HIVEP1: variants seen among roughly 807,000 people sequenced by gnomAD.
The protein encoded by HIVEP1 is zinc finger protein 40.
Under a neutral mutation model 180.0 loss-of-function variants are expected in HIVEP1, and 36 were observed. The observed-to-expected ratio is 0.20, with a 90% CI of 0.15 to 0.26. The LOEUF (loss-of-function observed/expected upper bound fraction) is 0.26, where lower values mean the gene tolerates loss of function less well. HIVEP1 is among the 10% of genes least tolerant of loss of function. The pLI is 1.00. For synonymous variants in HIVEP1, 1,239 were observed against 1,239.0 expected, an observed-to-expected ratio of 1.00 and a Z score of 0.00; for missense variants, 3,143 against 3,268.7, an observed-to-expected ratio of 0.96 and a Z score of 0.94.
chr6:12,204,425 G>A, the HIVEP1 span, among the ~76,000 whole-genome samples: 7 of 120,286 alleles, frequency 5.8e-5, no homozygotes, highest in Admixed American at 1.7e-4. Context: ...CCTCATCTAC[G>A]GAGTGCTTCT....
At chr6:12,131,869 T>C (rs1758440644) in intron 6 of HIVEP1, among the ~76,000 whole-genome samples, 1 of 151,926 alleles carries the variant, frequency 6.6e-6, no homozygotes, top group South Asian at 2.1e-4. Flanking sequence ...TTTTTTCTTA[T>C]GCTGGTTGTC....
At chr6:12,103,537 G>A (rs1030795463) in intron 3 of HIVEP1, among the ~76,000 whole-genome samples, 2 of 151,902 alleles carry the variant, frequency 1.3e-5, no homozygotes, top group Admixed American at 6.6e-5. Flanking sequence ...CTGCATGAAT[G>A]GCTGTGCCAC....
At chr6:12,138,838 T>C (rs917565848) in intron 7 of HIVEP1, among the ~76,000 whole-genome samples, 2 of 151,802 alleles carry the variant, frequency 1.3e-5, no homozygotes, top group Non-Finnish European at 2.9e-5. Context: ...CCCATAGTCT[T>C]CCGCCATCCT....
At chr6:12,016,776 C>T (rs890260903) in intron 2 of HIVEP1, among the ~76,000 whole-genome samples, 2 of 152,126 alleles carry the variant, frequency 1.3e-5, no homozygotes, top group Non-Finnish European at 2.9e-5. Flanking sequence ...ATATAGAAAA[C>T]GTTGAAAATT....
chr6:12,036,987 G>A lies in HIVEP1; in HGVS notation c.40+21319G>A, dbSNP rs76977125. 0.012 allele frequency among the ~76,000 whole-genome samples: 1,783 copies of A among 152,298 alleles called. 63 individuals carry two copies. The East Asian group carries it at 0.15, about 13-fold the overall frequency. On this transcript the variant is annotated intron_variant, in intron 2 of 8. Transcript: ENST00000379388. ...AGGCTGGGTCTTGGAGAATGAATAG[G>A]AGTTGGCCAGATCATTTGGGTGGAG...
chr6:12,174,419 G>T, the HIVEP1 span, among the ~76,000 whole-genome samples: 1 of 152,104 alleles, frequency 6.6e-6, no homozygotes, highest in Non-Finnish European at 1.5e-5. Context: ...GGAAATAGTT[G>T]TAAAATATTT....
chr6:12,121,151 C>T lies in HIVEP1; in HGVS notation c.1356C>T (p.His452=), dbSNP rs758421701. ...SFKTKSNLYK[H]KKSHAHTIKL... is the part of the protein sequence containing the mutation. ...AGACTAAAAGTAATCTGTATAAGCA[C>T]AAGAAATCCCACGCACATACTATCA... The change falls in exon 4 of 9, where the codon CAC becomes CAT. Residue 452 remains histidine, a synonymous_variant. Transcript: ENST00000379388. The surrounding 1 kb of genome is among the most constrained non-coding windows in gnomAD (Gnocchi z 5.3). 1.1e-5 allele frequency: 17 copies of T among 1,614,132 alleles called. No homozygotes were observed. The highest frequency in any genetic ancestry group is 9.9e-5 in the South Asian group (9 of 91,080).
At chr6:12,111,207 T>C (rs948306019) in intron 3 of HIVEP1, among the ~76,000 whole-genome samples, 6 of 152,224 alleles carry the variant, frequency 3.9e-5, no homozygotes, top group African/African-American at 1.4e-4. Flanking sequence ...AGAAAAAATA[T>C]GTCACACACC....
chr6:12,163,434 A>G lies in HIVEP1; in HGVS notation c.7130A>G (p.His2377Arg). The G allele has an allele frequency of 6.2e-7, 1 of 1,613,990 alleles. No homozygotes were observed. Among genetic ancestry groups the G allele is most frequent in the Non-Finnish European group, 8.5e-7 (1 of 1,179,988 alleles). Residue 2377 changes from histidine (H) to arginine (R), a missense_variant, in exon 9 of 9, where the codon CAC becomes CGC. By Grantham distance (29) the His-to-Arg change is conservative (BLOSUM62 0). Transcript: ENST00000379388. ...CCGACTCCAGGCTTGCCTTCTCCCC[A>G]CACTCATTTGTTTAGCCACCTTCCT... ...LQPTPGLPSPHTHLFSHLPLH... is the reference protein window; with the variant it reads ...LQPTPGLPSPRTHLFSHLPLH...
chr6:12,109,323 C>G (rs1375310232), intron 3 of HIVEP1, among the ~76,000 whole-genome samples: 1 of 152,198 alleles, frequency 6.6e-6, no homozygotes, highest in Admixed American at 6.5e-5. Flanking sequence ...AGTTTGCCAC[C>G]TTGACTTTTA....
chr6:12,146,422 A>G (rs1205540085), intron 7 of HIVEP1, among the ~76,000 whole-genome samples: 1 of 152,240 alleles, frequency 6.6e-6, no homozygotes, highest in Non-Finnish European at 1.5e-5. Context: ...CAGCCCGGGC[A>G]ACAAGAGCTA....
At chr6:12,118,790 A>C (rs1775378985) in intron 3 of HIVEP1, among the ~76,000 whole-genome samples, 1 of 152,196 alleles carries the variant, frequency 6.6e-6, no homozygotes. Context: ...CTGTTCATTG[A>C]TATAATTGCT....
rs1021588111 is a variant in HIVEP1 at position 12,059,557 on chromosome 6, T to G, written c.41-29627T>G. On this transcript the variant is annotated intron_variant, in intron 2 of 8. Transcript: ENST00000379388. ...TACTGTGTCCATGATCTTGACTGCT[T>G]CTTCTGCCACATCCCTCCGGTGGTG... Among the ~76,000 whole-genome samples the G allele has an allele frequency of 4.6e-5, 7 of 152,186 alleles. No individual in the cohort carries two copies. In the South Asian group the frequency reaches 6.2e-4, roughly 14 times the overall value.
At chr6:12,155,626 A>G (rs904286488) in intron 7 of HIVEP1, among the ~76,000 whole-genome samples, 1 of 152,254 alleles carries the variant, frequency 6.6e-6, no homozygotes, top group African/African-American at 2.4e-5. Context: ...TCTATGGTGT[A>G]CATGCACCAC....
the HIVEP1 span, among the ~76,000 whole-genome samples, chr6:12,191,998 G>T: frequency 6.6e-6 from 1 of 152,190 alleles, no homozygotes; most frequent in Non-Finnish European, 1.5e-5. Flanking sequence ...GCTAGAACCA[G>T]GATCTCAGTC....
intron 7 of HIVEP1, among the ~76,000 whole-genome samples, chr6:12,139,246 C>T (rs190820380): frequency 4.6e-5 from 7 of 152,150 alleles, no homozygotes; most frequent in Non-Finnish European, 5.9e-5. Context: ...CTTCCTCCCT[C>T]GCGTGCTCAG....
intron 2 of HIVEP1, among the ~76,000 whole-genome samples, chr6:12,080,673 T>C (rs1772729799): frequency 6.6e-6 from 1 of 152,144 alleles, no homozygotes; most frequent in Non-Finnish European, 1.5e-5. Context: ...CTTTGAACTT[T>C]TAAAAGTTTT....
intron 2 of HIVEP1, among the ~76,000 whole-genome samples, chr6:12,052,582 T>A (rs1219520434): frequency 1.3e-5 from 2 of 152,232 alleles, no homozygotes; most frequent in East Asian, 3.8e-4. Context: ...TTTCAGGAAT[T>A]AAAACTATCT....
the HIVEP1 span, among the ~76,000 whole-genome samples, chr6:12,195,261 T>C: frequency 1.9e-3 from 283 of 152,368 alleles, no homozygotes; most frequent in African/African-American, 6.3e-3. Flanking sequence ...CTTTCATTCA[T>C]TGCTGTATTC....
Sources: gnomAD v4.1 joint callset for allele counts (sites outside exome capture counted in the v4.1 genomes callset) on GRCh38, gnomAD v4.1.1 for gene constraint, Gnocchi (gnomAD v3.1) non-coding constraint, MANE v1.5 for transcripts, NCBI Gene and HGNC (gene_info 2026-07-23, HGNC 2026-07-21) for gene names.